Variants in SLC5A8 observed in about 807,000 individuals in gnomAD.
The protein encoded by SLC5A8 is sodium-coupled monocarboxylate transporter 1.
SLC5A8 carries 55 observed loss-of-function variants against 71.9 expected under a neutral mutation model. That is an observed-to-expected ratio of 0.77 (90% CI 0.62 to 0.96). The LOEUF (loss-of-function observed/expected upper bound fraction) is 0.96, where lower values mean the gene tolerates loss of function less well. SLC5A8 is among the 40% of genes least tolerant of loss of function. SLC5A8 has a pLI of 0.00. For missense variants in SLC5A8, 701 were observed against 745.3 expected, an observed-to-expected ratio of 0.94 and a Z score of 0.69; for synonymous variants, 307 against 276.1, an observed-to-expected ratio of 1.11 and a Z score of -1.11.
At chr12:101,195,034 G>T in intron 4 of SLC5A8, 61 bp downstream of exon 4, 1 of 1,557,902 alleles carries the variant, frequency 6.4e-7, no homozygotes, top group South Asian at 1.1e-5. Context: ...ACAACAACTG[G>T]AATTTTCAAT....
chr12:101,163,227 A>G (rs1244196643), intron 12 of SLC5A8, among the ~76,000 whole-genome samples: 2 of 152,264 alleles, frequency 1.3e-5, no homozygotes, highest in African/African-American at 4.8e-5. Flanking sequence ...AAAGAGTAAC[A>G]TGAACATTCT....
intron 1 of SLC5A8, 141 bp downstream of exon 1, chr12:101,209,357 G>A: frequency 4.5e-6 from 3 of 660,142 alleles, no homozygotes; most frequent in Admixed American, 6.0e-5. Flanking sequence ...GGGGAGGAGT[G>A]AAGGGAGGGT....
chr12:101,191,120 GT>G (rs1868888410), intron 5 of SLC5A8, among the ~76,000 whole-genome samples: 1 of 152,154 alleles, frequency 6.6e-6, no homozygotes, highest in Non-Finnish European at 1.5e-5. Flanking sequence ...GCAGTTTCAA[GT>G]TTTGCATTTT....
At chr12:101,173,103 G>A (rs2051845864) in intron 10 of SLC5A8, among the ~76,000 whole-genome samples, 1 of 152,212 alleles carries the variant, frequency 6.6e-6, no homozygotes, top group Non-Finnish European at 1.5e-5. Context: ...GGACAGTTAT[G>A]TCTACCCACT....
rs1022683996 is a variant in SLC5A8 at position 101,176,133 on chromosome 12, G to A, written c.1233+3896C>T. Among the ~76,000 whole-genome samples the A allele has an allele frequency of 2.6e-5, 4 of 152,018 alleles. No homozygotes were observed. The East Asian group carries it at 7.7e-4, about 29-fold the overall frequency. On this transcript the variant is annotated intron_variant, in intron 10 of 14. Coordinates refer to ENST00000536262, the MANE Select transcript of SLC5A8 (RefSeq NM_145913.5). ...CACTTCTAATATAGCAACATAGGTG[G>A]TTCAAAGTGAAAAAATGGAAAAATA...
chr12:101,157,605 T>C (rs2051677795), intron 14 of SLC5A8, among the ~76,000 whole-genome samples: 1 of 151,862 alleles, frequency 6.6e-6, no homozygotes, highest in Non-Finnish European at 1.5e-5. Flanking sequence ...AGATACAAAA[T>C]AGCCCATCAG....
intron 6 of SLC5A8, among the ~76,000 whole-genome samples, chr12:101,189,897 G>A (rs891512568): frequency 3.9e-5 from 6 of 152,122 alleles, no homozygotes; most frequent in South Asian, 4.1e-4. Flanking sequence ...AGTATTTTAC[G>A]ACACCTCCCA....
At chr12:101,158,914 C>T (rs188733630) in intron 13 of SLC5A8, among the ~76,000 whole-genome samples, 102 of 145,506 alleles carry the variant, frequency 7.0e-4, no homozygotes, top group Admixed American at 5.2e-3. Flanking sequence ...TGCTGACTGA[C>T]GTTTGATCCA....
chr12:101,184,011 G>T, intron 8 of SLC5A8, 123 bp downstream of exon 8: 1 of 848,816 alleles, frequency 1.2e-6, no homozygotes, highest in Non-Finnish European at 1.9e-6. Flanking sequence ...ACATACAGCA[G>T]ATTGCCTACT....
chr12:101,203,167 G>T (rs1869530581), intron 2 of SLC5A8, among the ~76,000 whole-genome samples: 1 of 152,162 alleles, frequency 6.6e-6, no homozygotes, highest in Admixed American at 6.5e-5. Context: ...TGAACAGTTG[G>T]TGAATGCAAG....
At chr12:101,174,891 A>G (rs560773823) in intron 10 of SLC5A8, among the ~76,000 whole-genome samples, 1 of 152,336 alleles carries the variant, frequency 6.6e-6, no homozygotes, top group South Asian at 2.1e-4. Flanking sequence ...ATCACATAAT[A>G]TTGAAATGCC....
chr12:101,199,383 G>T (rs1412553050), intron 3 of SLC5A8: 2 of 151,932 alleles, frequency 1.3e-5, no homozygotes, highest in Non-Finnish European at 2.9e-5. Context: ...AGCACTAAGA[G>T]AAATTTTTAA....
In SLC5A8 at chr12:101,166,491, T is replaced by C. The variant is rs1566306869; in HGVS notation, c.1526+3A>G. The C allele has an allele frequency of 1.2e-6, 2 of 1,607,112 alleles. No individual in the cohort carries two copies. Among genetic ancestry groups the C allele is most frequent in the Non-Finnish European group, 1.7e-6 (2 of 1,177,578 alleles). On this transcript the variant is annotated splice_donor_region_variant and intron_variant, in intron 12 of 14. Transcript: ENST00000536262. ...TATAATGTAATAAAACTTAATTCAATACCTTTGAACATTGTATATTTGAAA... is the reference window on the plus strand; with the variant it reads ...TATAATGTAATAAAACTTAATTCAACACCTTTGAACATTGTATATTTGAAA...
At chr12:101,197,684 A>G (rs1301251111) in intron 3 of SLC5A8, among the ~76,000 whole-genome samples, 5 of 152,136 alleles carry the variant, frequency 3.3e-5, no homozygotes, top group African/African-American at 7.2e-5. Flanking sequence ...GAGCCTCACA[A>G]TACATTCAGT....
intron 10 of SLC5A8, among the ~76,000 whole-genome samples, chr12:101,170,127 G>A (rs1566309004): frequency 6.6e-6 from 1 of 152,150 alleles, no homozygotes; most frequent in Non-Finnish European, 1.5e-5. Context: ...AAGACAGTGA[G>A]GTGCCCACAG....
intron 3 of SLC5A8, among the ~76,000 whole-genome samples, chr12:101,198,294 C>T (rs1479118078): frequency 6.6e-6 from 1 of 151,600 alleles, no homozygotes; most frequent in South Asian, 2.1e-4. Flanking sequence ...AGAAAAGAAA[C>T]AATAAATAGC....
chr12:101,159,931 C>T (rs1348015940), intron 13 of SLC5A8, among the ~76,000 whole-genome samples: 2 of 152,184 alleles, frequency 1.3e-5, no homozygotes, highest in Non-Finnish European at 2.9e-5. Context: ...CCTGTAATCC[C>T]TACAATTTGG....
intron 10 of SLC5A8, 85 bp from the exon 11 acceptor site, chr12:101,168,267 T>G: frequency 7.8e-7 from 1 of 1,286,024 alleles, no homozygotes; most frequent in South Asian, 1.4e-5. Flanking sequence ...GATAATGACT[T>G]AAAGTATTCG....
intron 9 of SLC5A8, among the ~76,000 whole-genome samples, chr12:101,181,378 G>T (rs961888205): frequency 2.6e-5 from 4 of 152,124 alleles, no homozygotes; most frequent in Non-Finnish European, 4.4e-5. Flanking sequence ...CAAATCATCT[G>T]CCACATTCTT....
Sources: gnomAD v4.1 joint callset for allele counts (sites outside exome capture counted in the v4.1 genomes callset) on GRCh38, gnomAD v4.1.1 for gene constraint, MANE v1.5 for transcripts, NCBI Gene and HGNC (gene_info 2026-07-23, HGNC 2026-07-21) for gene names.